Variants in EGFR observed in about 807,000 individuals in gnomAD.
EGFR encodes the protein epidermal growth factor receptor.
EGFR carries 58 observed loss-of-function variants against 143.0 expected under a neutral mutation model. That is an observed-to-expected ratio of 0.41 (90% CI 0.33 to 0.50). The LOEUF is 0.50. Among genes scored for constraint, EGFR ranks in the 20% least tolerant of loss-of-function variants. EGFR has a pLI of 0.39. For synonymous variants in EGFR, 613 were observed against 594.4 expected, an observed-to-expected ratio of 1.03 and a Z score of -0.45; for missense variants, 1,307 against 1,579.0, an observed-to-expected ratio of 0.83 and a Z score of 2.92.
chr7:55,078,914 G>A (rs936344661), intron 1 of EGFR, among the ~76,000 whole-genome samples: 4 of 152,230 alleles, frequency 2.6e-5, no homozygotes, highest in Admixed American at 2.6e-4. Context: ...CGCGTCTGGG[G>A]TGGAGACTCC....
intron 1 of EGFR, among the ~76,000 whole-genome samples, chr7:55,077,291 A>G (rs1334526791): frequency 6.6e-6 from 1 of 152,220 alleles, no homozygotes; most frequent in Non-Finnish European, 1.5e-5. Flanking sequence ...TCAAGCACAC[A>G]GAAAAATTCC....
rs2128946046 is a variant in EGFR, at chr7:55,165,280, G to A, written c.1723G>A (p.Gly575Arg). ...AACATTTTTCTCCACCTTGGTGCAG[G>A]GACCAGACAACTGTATCCAGTGTGC... ...QAMNITCTGR[G>R]PDNCIQCAHY... The change falls in exon 15 of 28, where the codon GGA (glycine) becomes AGA (arginine). Residue 575 changes from glycine (G) to arginine (R), a missense_variant and splice_region_variant. Coordinates refer to ENST00000275493, the MANE Select transcript of EGFR (RefSeq NM_005228.5). 1.9e-6 allele frequency: 3 copies of A among 1,614,110 alleles called. No homozygotes were observed. The South Asian group carries it at 3.3e-5, about 18-fold the overall frequency.
chr7:55,124,899 G>A (rs2128916258), intron 1 of EGFR, among the ~76,000 whole-genome samples: 1 of 152,344 alleles, frequency 6.6e-6, no homozygotes, highest in African/African-American at 2.4e-5. Flanking sequence ...CCATCCCCAA[G>A]TTTGTCGATT....
At chr7:55,067,235 T>C (rs1789558455) in intron 1 of EGFR, among the ~76,000 whole-genome samples, 1 of 152,052 alleles carries the variant, frequency 6.6e-6, no homozygotes, top group Non-Finnish European at 1.5e-5. Flanking sequence ...ACCCTCAAGG[T>C]GGTTGTGTCT....
chr7:55,116,885 C>T (rs1480069546), intron 1 of EGFR, among the ~76,000 whole-genome samples: 3 of 152,198 alleles, frequency 2.0e-5, no homozygotes, highest in South Asian at 2.1e-4. Flanking sequence ...TACCACACTG[C>T]GTTCGTCCAT....
At chr7:55,174,305 G>C (rs1202965500) in intron 18 of EGFR, among the ~76,000 whole-genome samples, 1 of 152,228 alleles carries the variant, frequency 6.6e-6, no homozygotes, top group African/African-American at 2.4e-5. Context: ...ATGGGGTGCA[G>C]CACAGGGCGG....
At chr7:55,170,612 G>A in intron 15 of EGFR, 1 of 1,605,380 alleles carries the variant, frequency 6.2e-7, no homozygotes, top group South Asian at 1.1e-5. Flanking sequence ...TGGGCCGCCA[G>A]GTTCCCAAGA....
intron 1 of EGFR, among the ~76,000 whole-genome samples, chr7:55,041,092 T>C (rs933300781): frequency 6.6e-6 from 1 of 152,310 alleles, no homozygotes; most frequent in Middle Eastern, 3.4e-3. Flanking sequence ...ACACAGGTGG[T>C]GTCAGAGTCA....
intron 1 of EGFR, among the ~76,000 whole-genome samples, chr7:55,040,459 G>A (rs533441388): frequency 1.3e-5 from 2 of 152,174 alleles, no homozygotes; most frequent in East Asian, 3.9e-4. Context: ...AGGAGCTTTG[G>A]TTAATATAAA....
At chr7:55,201,822 C>G (rs2128972617) in intron 26 of EGFR, 40 bp downstream of exon 26, 1 of 1,599,056 alleles carries the variant, frequency 6.3e-7, no homozygotes, top group Non-Finnish European at 8.6e-7. Flanking sequence ...TTACAGCTCT[C>G]CACTATGGCT....
intron 1 of EGFR, among the ~76,000 whole-genome samples, chr7:55,024,639 C>T (rs1369785144): frequency 6.6e-6 from 1 of 152,150 alleles, no homozygotes. Flanking sequence ...TGATTGTTTG[C>T]CCTTTGCATA....
chr7:55,106,139 C>G (rs913144219), intron 1 of EGFR, among the ~76,000 whole-genome samples: 4 of 152,232 alleles, frequency 2.6e-5, no homozygotes, highest in Non-Finnish European at 5.9e-5. Context: ...AGCAGAAACT[C>G]ACAGCCACTG....
rs534907107 is a variant in EGFR, at chr7:55,210,006, G to A, written c.*4389G>A. On this transcript the variant is annotated 3_prime_UTR_variant, in exon 28 of 28. Coordinates refer to ENST00000275493, the MANE Select transcript of EGFR (RefSeq NM_005228.5). ...TGTCATGGTGAAGAAGAGAAGCATC[G>A]TTTTTATATTTAGGAAATTTTAAAA... 7 of 152,220 alleles carry A rather than the reference G, an allele frequency of 4.6e-5. No homozygotes were observed. The highest frequency in any genetic ancestry group is 1.4e-4 in the African/African-American group (6 of 41,562). The allele number at this position is 152,220 out of a possible 1,614,324, so 9.4% of individuals were successfully genotyped here. A position where few individuals can be genotyped will look rare whatever the true frequency, so the allele number is the denominator to read the frequency against.
In EGFR at chr7:55,061,612, ATGTGTG is replaced by A. The variant is rs1205967063; in HGVS notation, c.88+42280_88+42285del. Among the ~76,000 whole-genome samples, 648 of 126,322 alleles carry A rather than the reference ATGTGTG, an allele frequency of 5.1e-3. 7 individuals are homozygous for A. The highest frequency in any genetic ancestry group is 0.018 in the African/African-American group (570 of 32,350). The allele number at this position is 126,322 out of a possible 152,430, so 82.9% of individuals were successfully genotyped here. A position where few individuals can be genotyped will look rare whatever the true frequency, so the allele number is the denominator to read the frequency against. ...CTCCCACGGATGACGGTCTCCAGGGATGTGTGTGTGTGTGTGTGTGTGTGTGTGTGT... is the reference window on the plus strand; with the variant it reads ...CTCCCACGGATGACGGTCTCCAGGGATGTGTGTGTGTGTGTGTGTGTGTGT... On this transcript the variant is annotated intron_variant, in intron 1 of 27. Coordinates refer to ENST00000275493, the MANE Select transcript of EGFR (RefSeq NM_005228.5).
At chr7:55,170,830 T>C in intron 15 of EGFR, 1 of 1,414,320 alleles carries the variant, frequency 7.1e-7, no homozygotes, top group Admixed American at 2.9e-5. Flanking sequence ...CTAGCCTTGG[T>C]TCCTTCTGCC....
chr7:55,154,546 C>T (rs1407614787), intron 7 of EGFR, among the ~76,000 whole-genome samples: 1 of 152,276 alleles, frequency 6.6e-6, no homozygotes, highest in Non-Finnish European at 1.5e-5. Flanking sequence ...GTATTTAATA[C>T]ACCGAAATCA....
intron 12 of EGFR, among the ~76,000 whole-genome samples, 171 bp from the exon 13 acceptor site, chr7:55,161,328 G>T (rs1267787098): frequency 6.6e-6 from 1 of 152,234 alleles, no homozygotes; most frequent in African/African-American, 2.4e-5. Flanking sequence ...TTCCAGTCAC[G>T]GTCGGCCTCT....
intron 19 of EGFR, among the ~76,000 whole-genome samples, chr7:55,177,988 G>A (rs1430109612): frequency 2.0e-5 from 3 of 152,354 alleles, no homozygotes; most frequent in African/African-American, 7.2e-5. Context: ...TGATGGCCCA[G>A]TGGGTCTATC....
intron 15 of EGFR, among the ~76,000 whole-genome samples, chr7:55,169,073 G>C (rs918198605): frequency 1.3e-5 from 2 of 151,958 alleles, no homozygotes; most frequent in East Asian, 3.9e-4. Flanking sequence ...ACCCAGACGA[G>C]GGGGAGGAAC....
Sources: allele counts gnomAD v4.1 joint callset (sites outside exome capture counted in the v4.1 genomes callset), GRCh38; gene constraint gnomAD v4.1.1; transcripts MANE v1.5; gene names NCBI Gene and HGNC (gene_info 2026-07-23, HGNC 2026-07-21).